AJAP1: variants seen among roughly 807,000 people sequenced by gnomAD.
AJAP1 encodes adherens junctions associated protein 1, also known as adherens junction-associated protein 1.
In AJAP1, 5 loss-of-function variants were observed where a neutral mutation model predicts 35.0. The observed-to-expected ratio is 0.14, with a 90% CI of 0.07 to 0.30. The LOEUF (loss-of-function observed/expected upper bound fraction) is 0.30, where lower values mean the gene tolerates loss of function less well. AJAP1 is among the 10% of genes least tolerant of loss of function. The pLI, the probability that AJAP1 is intolerant of heterozygous loss-of-function variation, is 1.00. For synonymous variants in AJAP1, 284 were observed against 249.3 expected (o/e 1.14, Z -1.31); for missense variants, 586 against 571.0 (o/e 1.03, Z -0.27).
intron 2 of AJAP1, among the ~76,000 whole-genome samples, chr1:4,732,040 C>G (rs1640809040): frequency 6.6e-6 from 1 of 152,234 alleles, no homozygotes; most frequent in African/African-American, 2.4e-5. Context: ...TGCAGGAGCC[C>G]CCTTTCTGAG....
intron 1 of AJAP1, among the ~76,000 whole-genome samples, chr1:4,682,647 G>T (rs115143400): frequency 0.01 from 1,521 of 151,912 alleles, 26 homozygotes; most frequent in African/African-American, 0.035. Flanking sequence ...TGAGCCCTTC[G>T]TAGGGTTTCA....
chr1:4,780,076 G>A (rs1268065254), intron 5 of AJAP1, among the ~76,000 whole-genome samples: 4 of 149,990 alleles, frequency 2.7e-5, no homozygotes, highest in East Asian at 2.0e-4. Flanking sequence ...CCCAGGAGGC[G>A]GAGGTTGCAG....
At chr1:4,716,116 A>C (rs1161240385) in intron 2 of AJAP1, among the ~76,000 whole-genome samples, 1 of 152,248 alleles carries the variant, frequency 6.6e-6, no homozygotes, top group African/African-American at 2.4e-5. Context: ...TGCTGGGTGC[A>C]GAGAGGAAAC....
In AJAP1 at chr1:4,792,404, T is replaced by G. The variant is rs370478107; in HGVS notation, c.*9919T>G. 1.2e-4 allele frequency: 18 copies of G among 151,916 alleles called. No homozygotes were observed. In the East Asian group the frequency reaches 2.3e-3, roughly 20 times the overall value. 9.4% of individuals were successfully genotyped at this position (151,916 alleles called of 1,614,324 possible). A position where few individuals can be genotyped will look rare whatever the true frequency, so the allele number is the denominator to read the frequency against. ...ACTTTTATTCCAGATTTTTTTAAGT[T>G]GTTTCTGTATTTCAAAGCTATGTAT... is the stretch of plus-strand genomic sequence containing the variant. On this transcript the variant is annotated 3_prime_UTR_variant, in exon 6 of 6. Transcript: ENST00000378191.
intron 2 of AJAP1, among the ~76,000 whole-genome samples, chr1:4,749,175 G>A (rs182045056): frequency 2.0e-5 from 3 of 152,162 alleles, no homozygotes; most frequent in Non-Finnish European, 2.9e-5. Flanking sequence ...GAGCTCACAC[G>A]GTGAGCAGAG....
At chr1:4,711,178 A>C (rs188212683) in intron 1 of AJAP1, 7 of 152,432 alleles carry the variant, frequency 4.6e-5, no homozygotes, top group African/African-American at 1.4e-4. Flanking sequence ...GATCCAGAGG[A>C]GGCCAGAAGT....
chr1:4,731,662 C>T (rs753260254), intron 2 of AJAP1, among the ~76,000 whole-genome samples: 3 of 152,204 alleles, frequency 2.0e-5, no homozygotes, highest in African/African-American at 2.4e-5. Flanking sequence ...TACAGGGTCC[C>T]CAACAGAGCT....
At chr1:4,719,001 G>A (rs1444034566) in intron 2 of AJAP1, among the ~76,000 whole-genome samples, 2 of 152,158 alleles carry the variant, frequency 1.3e-5, no homozygotes, top group Non-Finnish European at 2.9e-5. Context: ...ACACACCCTT[G>A]TAGGATATGC....
chr1:4,738,385 G>A (rs1249882036), intron 2 of AJAP1, among the ~76,000 whole-genome samples: 1 of 152,250 alleles, frequency 6.6e-6, no homozygotes, highest in Non-Finnish European at 1.5e-5. Flanking sequence ...ATTGACTGGG[G>A]AGTTAGCATG....
In AJAP1 at chr1:4,693,322, T is replaced by G. The variant is rs1256003119; in HGVS notation, c.30-18578T>G. Among the ~76,000 whole-genome samples, 1 of 143,082 alleles carries G rather than the reference T, an allele frequency of 7.0e-6. No individual in the cohort carries two copies. The highest frequency in any genetic ancestry group is 1.5e-5 in the Non-Finnish European group (1 of 65,940). The allele number at this position is 143,082 out of a possible 152,430, so 93.9% of individuals were successfully genotyped here. On this transcript the variant is annotated intron_variant, in intron 1 of 5. Transcript: ENST00000378191. The surrounding 1 kb of genome is among the most constrained non-coding windows in gnomAD (Gnocchi z 4.4). The stretch of plus-strand genomic sequence containing the variant: ...GGCATGTGCTGATGGAGAGGGACTC[T>G]CGGCTTCGGAGGGAAGAACCCCATG...
chr1:4,677,596 A>AC (rs1639389945), intron 1 of AJAP1, among the ~76,000 whole-genome samples: 2 of 148,540 alleles, frequency 1.3e-5, no homozygotes, highest in South Asian at 4.3e-4. Context: ...GGATTAAAAA[A>AC]AAATTTAACA....
At chr1:4,738,051 C>T (rs1261698392) in intron 2 of AJAP1, among the ~76,000 whole-genome samples, 1 of 152,244 alleles carries the variant, frequency 6.6e-6, no homozygotes, top group Non-Finnish European at 1.5e-5. Context: ...GAAACAGCTT[C>T]CCAGGCTTGA....
In AJAP1 at chr1:4,788,109, C is replaced by T. The variant is rs757702187; in HGVS notation, c.*5624C>T. ...CCCCACTTATTGTACATTGATGTGCCGCCTGCTAGGAAGATAAACTCCCTC... is the reference window on the plus strand; with the variant it reads ...CCCCACTTATTGTACATTGATGTGCTGCCTGCTAGGAAGATAAACTCCCTC... On this transcript the variant is annotated 3_prime_UTR_variant, in exon 6 of 6. Coordinates refer to ENST00000378191, the MANE Select transcript of AJAP1 (RefSeq NM_018836.4). 32 of 213,044 alleles carry T rather than the reference C, an allele frequency of 1.5e-4. No individual in the cohort carries two copies. Among genetic ancestry groups the T allele is most frequent in the African/African-American group, 5.2e-4 (22 of 42,226 alleles). 13.2% of individuals were successfully genotyped at this position (213,044 alleles called of 1,614,324 possible). A position where few individuals can be genotyped will look rare whatever the true frequency, so the allele number is the denominator to read the frequency against.
chr1:4,708,154 G>A (rs1314560163), intron 1 of AJAP1, among the ~76,000 whole-genome samples: 1 of 151,796 alleles, frequency 6.6e-6, no homozygotes, highest in Non-Finnish European at 1.5e-5. Flanking sequence ...TTTTAGTAGA[G>A]ACAGGGTTTC....
Position 4,785,499 on chromosome 1 carries a change from C to G in AJAP1, c.*3014C>G, listed in dbSNP as rs1245749439. ...AAGAGGAGATAATGAGTGAAAGTGA[C>G]TGGGCCTCGGAAATGCAGCCCCACC... On this transcript the variant is annotated 3_prime_UTR_variant, in exon 6 of 6. Coordinates refer to ENST00000378191, the MANE Select transcript of AJAP1 (RefSeq NM_018836.4). 2 of 152,188 alleles carry G rather than the reference C, an allele frequency of 1.3e-5. No homozygotes were observed. The highest frequency in any genetic ancestry group is 2.9e-5 in the Non-Finnish European group (2 of 68,040). The allele number at this position is 152,188 out of a possible 1,614,324, so 9.4% of individuals were successfully genotyped here.
At chr1:4,697,702 G>A (rs1485185573) in intron 1 of AJAP1, among the ~76,000 whole-genome samples, 2 of 152,256 alleles carry the variant, frequency 1.3e-5, no homozygotes, top group African/African-American at 4.8e-5. Flanking sequence ...GTAACATGGG[G>A]AGAGTAGCGT....
Position 4,791,182 on chromosome 1 carries a change from C to G in AJAP1, c.*8697C>G, listed in dbSNP as rs1312687069. On this transcript the variant is annotated 3_prime_UTR_variant, in exon 6 of 6. Transcript: ENST00000378191. The stretch of plus-strand genomic sequence containing the variant: ...CCGGATTGTTGAGAGGTGAGTGGGA[C>G]TAAAAGCCAGGATCAAGATCAGGTT... 1 of 152,142 alleles carries G rather than the reference C, an allele frequency of 6.6e-6. No homozygotes were observed. The highest frequency in any genetic ancestry group is 1.5e-5 in the Non-Finnish European group (1 of 68,036). The allele number at this position is 152,142 out of a possible 1,614,324, so 9.4% of individuals were successfully genotyped here. A position where few individuals can be genotyped will look rare whatever the true frequency, so the allele number is the denominator to read the frequency against.
At chr1:4,761,583 C>T (rs1641567443) in intron 2 of AJAP1, among the ~76,000 whole-genome samples, 1 of 152,144 alleles carries the variant, frequency 6.6e-6, no homozygotes, top group Non-Finnish European at 1.5e-5. Context: ...TCAGGGTTCT[C>T]TAGAGGGACA....
At chr1:4,768,407 AAAGCTTGTTTTCTGGCTGTGCC>A (rs1641742213) in intron 2 of AJAP1, among the ~76,000 whole-genome samples, 1 of 152,234 alleles carries the variant, frequency 6.6e-6, no homozygotes, top group Admixed American at 6.5e-5. Flanking sequence ...ACAGGAAGAC[AAAGCTTGTTTTCTGGCTGTGCC>A]AATGTTTAAT....
Sources: gnomAD v4.1 joint callset for allele counts (sites outside exome capture counted in the v4.1 genomes callset) on GRCh38, gnomAD v4.1.1 for gene constraint, Gnocchi (gnomAD v3.1) non-coding constraint, MANE v1.5 for transcripts, NCBI Gene and HGNC (gene_info 2026-07-23, HGNC 2026-07-21) for gene names.